The following UGT1A7 variants were observed in gnomAD, a reference collection of about 807,000 sequenced individuals.
UGT1A7 encodes UDP glucuronosyltransferase family 1 member A7.
UGT1A7 carries 33 observed loss-of-function variants against 45.6 expected under a neutral mutation model. The observed-to-expected ratio is 0.72, with a 90% CI of 0.55 to 0.97. The LOEUF (loss-of-function observed/expected upper bound fraction) is 0.97, where lower values mean the gene tolerates loss of function less well. Ranked by LOEUF, UGT1A7 falls within the 50% of genes least tolerant of loss-of-function variation. UGT1A7 has a pLI of 0.00. For missense variants in UGT1A7, 684 were observed against 666.2 expected, an observed-to-expected ratio of 1.03 and a Z score of -0.29; for synonymous variants, 274 against 250.6, an observed-to-expected ratio of 1.09 and a Z score of -0.88.
intron 1 of UGT1A7, chr2:233,753,700 T>A (rs1032888616): frequency 6.6e-6 from 1 of 152,228 alleles, no homozygotes; most frequent in African/African-American, 2.4e-5. Context: ...CAGATGCACT[T>A]GGCTTTCATC....
At chr2:233,694,261 A>T (rs911219810) in intron 1 of UGT1A7, among the ~76,000 whole-genome samples, 1 of 151,758 alleles carries the variant, frequency 6.6e-6, no homozygotes, top group South Asian at 2.1e-4. Flanking sequence ...GGGACCAGCG[A>T]ACTACAGCCT....
At chr2:233,728,892 C>T (rs781127697) in intron 1 of UGT1A7, among the ~76,000 whole-genome samples, 15 of 152,110 alleles carry the variant, frequency 9.9e-5, no homozygotes, top group Non-Finnish European at 2.2e-4. Context: ...CCAGAGTGAG[C>T]ACAGGGTCAG....
At chr2:233,753,865 C>G (rs560460253) in intron 1 of UGT1A7, among the ~76,000 whole-genome samples, 1 of 152,212 alleles carries the variant, frequency 6.6e-6, no homozygotes. Context: ...CACATAACCC[C>G]AAGGTCTGTC....
intron 1 of UGT1A7, chr2:233,691,521 A>C (rs965532552): frequency 1.0e-6 from 1 of 985,728 alleles, no homozygotes; most frequent in African/African-American, 1.7e-5. Flanking sequence ...CCAGGTGTGC[A>C]TGACTAGCTC....
At chr2:233,723,516 CTTTT>C (rs1162916866) in intron 1 of UGT1A7, among the ~76,000 whole-genome samples, 1 of 85,406 alleles carries the variant, frequency 1.2e-5, no homozygotes, top group African/African-American at 4.9e-5. Flanking sequence ...GGTCAACAAT[CTTTT>C]TTTTTTTTTT....
intron 1 of UGT1A7, among the ~76,000 whole-genome samples, chr2:233,701,175 A>G (rs1487804881): frequency 6.6e-6 from 1 of 152,182 alleles, no homozygotes; most frequent in Non-Finnish European, 1.5e-5. Flanking sequence ...TGCCGTTATA[A>G]ACATACATGT....
At position 233,720,744 on chromosome 2, in the gene UGT1A7, C is replaced by T. The variant is rs190457981; in HGVS notation, c.855+37952C>T. Reference sequence around the variant, plus strand: ...TTCTTGAGACTGAGCCTCGTTCTGTCGCCCAGGCTGGAGGGCAGTGGCCGG... The same window carrying T: ...TTCTTGAGACTGAGCCTCGTTCTGTTGCCCAGGCTGGAGGGCAGTGGCCGG... On this transcript the variant is annotated intron_variant, in intron 1 of 4. Coordinates refer to ENST00000373426, the MANE Select transcript of UGT1A7 (RefSeq NM_019077.3). 3.0e-3 allele frequency among the ~76,000 whole-genome samples: 450 copies of T among 148,806 alleles called. 4 individuals are homozygous for T. Among genetic ancestry groups the T allele is most frequent in the African/African-American group, 0.01 (408 of 40,338 alleles).
intron 1 of UGT1A7, among the ~76,000 whole-genome samples, chr2:233,723,530 T>TC (rs1471912682): frequency 8.7e-6 from 1 of 114,776 alleles, no homozygotes; most frequent in African/African-American, 3.5e-5. Context: ...TTTTTTTTTT[T>TC]TTTTTTAATT....
At chr2:233,732,556 A>G (rs1170205117) in intron 1 of UGT1A7, among the ~76,000 whole-genome samples, 1 of 152,226 alleles carries the variant, frequency 6.6e-6, no homozygotes, top group African/African-American at 2.4e-5. Context: ...CATTTATTAA[A>G]TAAGGAATCC....
At chr2:233,719,159 T>A (rs28898610) in intron 1 of UGT1A7, 4 of 1,614,122 alleles carry the variant, frequency 2.5e-6, no homozygotes, top group Non-Finnish European at 3.4e-6. Context: ...ATTCTAGAAG[T>A]ATGGCAATTA....
chr2:233,748,518 A>T lies in UGT1A7; in HGVS notation c.856-18516A>T, dbSNP rs151219324. Among the ~76,000 whole-genome samples the T allele has an allele frequency of 4.6e-3, 699 of 151,972 alleles. 22 individuals carry two copies. The highest frequency in any genetic ancestry group is 0.016 in the African/African-American group (660 of 41,240). Reference sequence around the variant, plus strand: ...TAATTTTTAGTGGTCCTGTCTTGCGAATGATAGAGAGGTGACCACAGGAGA... The same window carrying T: ...TAATTTTTAGTGGTCCTGTCTTGCGTATGATAGAGAGGTGACCACAGGAGA... On this transcript the variant is annotated intron_variant, in intron 1 of 4. Coordinates refer to ENST00000373426, the MANE Select transcript of UGT1A7 (RefSeq NM_019077.3).
At chr2:233,767,218 C>T (rs1699339085) in intron 2 of UGT1A7, 53 bp downstream of exon 2, 14 of 1,611,886 alleles carry the variant, frequency 8.7e-6, no homozygotes, top group East Asian at 2.2e-5. Context: ...GAGCGCTAAT[C>T]CCAGACTTCC....
chr2:233,760,647 T>G (rs1697515072), intron 1 of UGT1A7: 1 of 1,614,134 alleles, frequency 6.2e-7, no homozygotes, highest in African/African-American at 1.3e-5. Context: ...AAAAGGACTC[T>G]GCTATGCTTT....
At position 233,715,255 on chromosome 2, in the gene UGT1A7, T is replaced by A. The variant is rs575259071; in HGVS notation, c.855+32463T>A. Among the ~76,000 whole-genome samples, 42 of 152,302 alleles carry A rather than the reference T, an allele frequency of 2.8e-4. 1 individual carries two copies. Among genetic ancestry groups the A allele is most frequent in the African/African-American group, 1.0e-3 (42 of 41,564 alleles). On this transcript the variant is annotated intron_variant, in intron 1 of 4. Transcript: ENST00000373426. ...TCTGTGAAGGATGTCTTTTAAAAAA[T>A]CCCCTTACATAACAAATTCTCCTCC...
intron 1 of UGT1A7, among the ~76,000 whole-genome samples, chr2:233,705,028 C>T (rs912053989): frequency 4.0e-5 from 6 of 151,736 alleles, no homozygotes; most frequent in African/African-American, 1.2e-4. Context: ...CCCAGCTACT[C>T]GGGAGGCTGA....
intron 1 of UGT1A7, chr2:233,693,978 G>A (rs1189326021): frequency 1.9e-6 from 3 of 1,557,938 alleles, no homozygotes; most frequent in African/African-American, 1.4e-5. Context: ...GAGAAACGGT[G>A]GGGGGAAGTG....
At chr2:233,734,764 G>A (rs902615341) in intron 1 of UGT1A7, among the ~76,000 whole-genome samples, 11 of 152,078 alleles carry the variant, frequency 7.2e-5, no homozygotes, top group African/African-American at 2.2e-4. Flanking sequence ...CCTTCACTTC[G>A]TTATTTACCC....
chr2:233,719,327 T>C, intron 1 of UGT1A7: 1 of 1,613,988 alleles, frequency 6.2e-7, no homozygotes, highest in Non-Finnish European at 8.5e-7. Flanking sequence ...CGATTCCTGC[T>C]GTGTTTTTTT....
At chr2:233,712,755 G>C (rs28898599) in intron 1 of UGT1A7, among the ~76,000 whole-genome samples, 48 of 152,176 alleles carry the variant, frequency 3.2e-4, no homozygotes, top group Admixed American at 2.4e-3. Flanking sequence ...TCCCCAGAGC[G>C]AGCGCAAGGT....
Sources: gnomAD v4.1 joint callset for allele counts (sites outside exome capture counted in the v4.1 genomes callset) on GRCh38, gnomAD v4.1.1 for gene constraint, MANE v1.5 for transcripts, NCBI Gene and HGNC (gene_info 2026-07-23, HGNC 2026-07-21) for gene names.